CDHR1: variants seen among roughly 807,000 people sequenced by gnomAD.
CDHR1 encodes the protein cadherin-related family member 1.
A neutral mutation model predicts 72.1 loss-of-function variants in CDHR1; 61 were observed. That is an observed-to-expected ratio of 0.85 (90% confidence interval 0.69 to 1.05). The LOEUF (loss-of-function observed/expected upper bound fraction) is 1.05. CDHR1 is among the 50% of genes least tolerant of loss of function. CDHR1 has a pLI of 0.00. For missense variants in CDHR1, 1,186 were observed against 1,115.7 expected (o/e 1.06, Z -0.90); for synonymous variants, 470 against 448.1 (o/e 1.05, Z -0.62).
rs573103290 is a variant in CDHR1, at chr10:84,217,959, G to A, written c.*3338G>A. 3 of 985,484 alleles carry A rather than the reference G, an allele frequency of 3.0e-6. No individual in the cohort carries two copies. The South Asian group carries it at 1.4e-4, about 46-fold the overall frequency. 61.0% of individuals were successfully genotyped at this position (985,484 alleles called of 1,614,324 possible). ...GAATCCTGCTAGAAAAGTGTGATCA[G>A]AGCTGGGAAGGAGCCACCATGCTCT... On this transcript the variant is annotated 3_prime_UTR_variant, in exon 17 of 17. Transcript: ENST00000623527.
Position 84,208,232 on chromosome 10 carries a change from T to C in CDHR1, c.1022T>C (p.Ile341Thr). The change falls in exon 11 of 17, where the codon ATC (isoleucine) becomes ACC (threonine). Residue 341 changes from isoleucine to threonine, a missense_variant. Transcript: ENST00000623527. ...GCCCAGGCCACCGTCCCAGTCACCA[T>C]CAGGATTGTGGACCTCAACAACCAC... ...PAAQATVPVT[I>T]RIVDLNNHPP... 6.2e-7 allele frequency: 1 copy of C among 1,614,118 alleles called. No individual in the cohort carries two copies. Among genetic ancestry groups the C allele is most frequent in the Non-Finnish European group, 8.5e-7 (1 of 1,180,032 alleles).
At chr10:84,195,346 G>A in intron 1 of CDHR1, 148 bp from the exon 2 acceptor site, 1 of 767,360 alleles carries the variant, frequency 1.3e-6, no homozygotes, top group East Asian at 2.7e-5. Flanking sequence ...GCCCCAGTGG[G>A]GTCCCTCGGT....
In CDHR1 at chr10:84,217,230, A is replaced by T; in HGVS notation, c.*2609A>T. 1 of 985,484 alleles carries T rather than the reference A, an allele frequency of 1.0e-6. No homozygotes were observed. The highest frequency in any genetic ancestry group is 1.1e-4 in the East Asian group (1 of 8,806). The allele number at this position is 985,484 out of a possible 1,614,324, so 61.0% of individuals were successfully genotyped here. A position where few individuals can be genotyped will look rare whatever the true frequency, so the allele number is the denominator to read the frequency against. On this transcript the variant is annotated 3_prime_UTR_variant, in exon 17 of 17. Coordinates refer to ENST00000623527, the MANE Select transcript of CDHR1 (RefSeq NM_033100.4). ...TGCTAGGTCCCAGTAGGACAGGCAG[A>T]GCTCCAGGCTGGCACCATGGTAGGC... is the stretch of plus-strand genomic sequence containing the variant.
intron 2 of CDHR1, 56 bp downstream of exon 2, chr10:84,195,645 T>C: frequency 6.8e-7 from 1 of 1,479,158 alleles, no homozygotes; most frequent in Non-Finnish European, 9.4e-7. Flanking sequence ...GCAGGCAGAC[T>C]TAGAACACAA....
At position 84,208,278 on chromosome 10, in the gene CDHR1, G is replaced by A. The variant is rs144302622; in HGVS notation, c.1068G>A (p.Glu356=). 1.4e-5 allele frequency: 22 copies of A among 1,614,142 alleles called. No individual in the cohort carries two copies. The highest frequency in any genetic ancestry group is 2.2e-5 in the South Asian group (2 of 91,074). The stretch of plus-strand genomic sequence containing the variant: ...ACCACCCGCCAACATTCTATGGAGA[G>A]AGCGGACCCCAAAACAGGTTTGAGC... ...LNNHPPTFYG[E]SGPQNRFELS... The change falls in exon 11 of 17, where the codon GAG becomes GAA. Residue 356 remains glutamate (E), a synonymous_variant. Coordinates refer to ENST00000623527, the MANE Select transcript of CDHR1 (RefSeq NM_033100.4).
In CDHR1 at chr10:84,218,545, T is replaced by C; in HGVS notation, c.*3924T>C. 1.0e-6 allele frequency: 1 copy of C among 985,416 alleles called. No homozygotes were observed. Among genetic ancestry groups the C allele is most frequent in the Non-Finnish European group, 1.2e-6 (1 of 829,928 alleles). 61.0% of individuals were successfully genotyped at this position (985,416 alleles called of 1,614,324 possible). A position where few individuals can be genotyped will look rare whatever the true frequency, so the allele number is the denominator to read the frequency against. Reference sequence around the variant, plus strand: ...GAAAAGAAAAAGAACAACATTCCTCTCTTTAATTGCTAATCGCCTGGGCCT... The same window carrying C: ...GAAAAGAAAAAGAACAACATTCCTCCCTTTAATTGCTAATCGCCTGGGCCT... On this transcript the variant is annotated 3_prime_UTR_variant, in exon 17 of 17. Coordinates refer to ENST00000623527, the MANE Select transcript of CDHR1 (RefSeq NM_033100.4).
chr10:84,206,438 A>G (rs1363491544), intron 10 of CDHR1, among the ~76,000 whole-genome samples: 1 of 152,244 alleles, frequency 6.6e-6, no homozygotes, highest in Non-Finnish European at 1.5e-5. Context: ...GACTATACTT[A>G]GGAGGATCCC....
chr10:84,213,199 C>T lies in CDHR1; in HGVS notation c.1891C>T (p.Leu631Phe), dbSNP rs1249152305. ...DINSHTGEIW[L>F]KNSIRSLDAL... ...CAATTCCCACACGGGGGAGATCTGGCTCAAGAATTCCATCCGCTCCCTGGA... is the reference window on the plus strand; with the variant it reads ...CAATTCCCACACGGGGGAGATCTGGTTCAAGAATTCCATCCGCTCCCTGGA... The change falls in exon 16 of 17, where the codon CTC becomes TTC. Residue 631 changes from leucine (L) to phenylalanine (F), a missense_variant. Coordinates refer to ENST00000623527, the MANE Select transcript of CDHR1 (RefSeq NM_033100.4). 8.1e-6 allele frequency: 13 copies of T among 1,614,094 alleles called. No homozygotes were observed. The highest frequency in any genetic ancestry group is 1.1e-5 in the Non-Finnish European group (13 of 1,180,048).
In CDHR1 at chr10:84,203,032, C is replaced by T. The variant is rs779409419; in HGVS notation, c.692C>T (p.Thr231Met). ...GATGTGGTGTTCTCAGCCACCACCACGGTCACGGTCAATGTGGAGGATGTT... is the reference window on the plus strand; with the variant it reads ...GATGTGGTGTTCTCAGCCACCACCATGGTCACGGTCAATGTGGAGGATGTT... ...GADVVFSATTTVTVNVEDVQD... is the reference protein window; with the variant it reads ...GADVVFSATTMVTVNVEDVQD... Residue 231 changes from threonine (T) to methionine (M), a missense_variant, in exon 8 of 17, where the codon ACG (threonine) becomes ATG (methionine). Thr to Met is a moderately conservative substitution (Grantham distance 81). Coordinates refer to ENST00000623527, the MANE Select transcript of CDHR1 (RefSeq NM_033100.4). 19 of 1,614,222 alleles carry T rather than the reference C, an allele frequency of 1.2e-5. No homozygotes were observed. The highest frequency in any genetic ancestry group is 6.6e-5 in the South Asian group (6 of 91,090).
At chr10:84,205,641 C>T (rs942015112) in intron 9 of CDHR1, 186 bp from the exon 10 acceptor site, 124 of 652,428 alleles carry the variant, frequency 1.9e-4, no homozygotes, top group Admixed American at 1.1e-4. Flanking sequence ...CAGATCTGCA[C>T]TAACTGTGTA....
Position 84,204,541 on chromosome 10 carries a change from G to A in CDHR1, c.798G>A (p.Leu266=). ...YEDTLPGSEV[L]KVVAMDGDRG... is the part of the protein sequence containing the mutation. ...GTTTCCCCGAGGGCTCGGAGGTACT[G>A]AAGGTGGTCGCCATGGATGGAGACC... The change falls in exon 9 of 17, where the codon CTG becomes CTA. Residue 266 remains leucine, a synonymous_variant. Coordinates refer to ENST00000623527, the MANE Select transcript of CDHR1 (RefSeq NM_033100.4). 6.2e-7 allele frequency: 1 copy of A among 1,613,374 alleles called. No homozygotes were observed. Among genetic ancestry groups the A allele is most frequent in the Admixed American group, 1.7e-5 (1 of 60,020 alleles).
chr10:84,204,445 C>T, intron 8 of CDHR1, 82 bp from the exon 9 acceptor site: 1 of 1,011,700 alleles, frequency 9.9e-7, no homozygotes, highest in Non-Finnish European at 1.6e-6. Context: ...GTAGCACCTC[C>T]TTTTCATCAT....
At chr10:84,202,845 C>T in intron 7 of CDHR1, 135 bp from the exon 8 acceptor site, 4 of 939,096 alleles carry the variant, frequency 4.3e-6, no homozygotes, top group East Asian at 2.6e-5. Context: ...CCGGGTGACA[C>T]AGAAGCAAAC....
intron 1 of CDHR1, among the ~76,000 whole-genome samples, 168 bp from the exon 2 acceptor site, chr10:84,195,326 T>A (rs376542145): frequency 9.9e-5 from 15 of 152,242 alleles, no homozygotes; most frequent in African/African-American, 3.6e-4. Context: ...AGGGGCATCC[T>A]CTGGGCGGCG....
At chr10:84,206,279 T>C (rs1440054212) in intron 10 of CDHR1, among the ~76,000 whole-genome samples, 1 of 150,956 alleles carries the variant, frequency 6.6e-6, no homozygotes, top group East Asian at 2.0e-4. Flanking sequence ...CAACAAGGAG[T>C]CAGTTGAGGC....
At position 84,216,612 on chromosome 10, in the gene CDHR1, C is replaced by T; in HGVS notation, c.*1991C>T. On this transcript the variant is annotated 3_prime_UTR_variant, in exon 17 of 17. Coordinates refer to ENST00000623527, the MANE Select transcript of CDHR1 (RefSeq NM_033100.4). ...CTGACACACAGTGAAGCTCAACTTG[C>T]CTCCTGGCTGCTTCAGCAGGTGGAT... 1.0e-6 allele frequency: 1 copy of T among 985,508 alleles called. No individual in the cohort carries two copies. Among genetic ancestry groups the T allele is most frequent in the Non-Finnish European group, 1.2e-6 (1 of 829,956 alleles). 61.0% of individuals were successfully genotyped at this position (985,508 alleles called of 1,614,324 possible).
At position 84,212,427 on chromosome 10, in the gene CDHR1, G is replaced by A. The variant is rs1311860498; in HGVS notation, c.1782+20G>A. On this transcript the variant is annotated intron_variant, in intron 15 of 16. Transcript: ENST00000623527. ...ATTGAGGTAAGTTTTGGAGGCAGCT[G>A]AGCTCCCCTAAAAGCCTGGGTCCAG... The A allele has an allele frequency of 6.3e-7, 1 of 1,590,196 alleles. No homozygotes were observed. The highest frequency in any genetic ancestry group is 1.3e-5 in the African/African-American group (1 of 74,370).
rs144225118 is a variant in CDHR1 at position 84,214,092 on chromosome 10, G to C, written c.2051G>C (p.Arg684Pro). The change falls in exon 17 of 17, where the codon CGG (arginine) becomes CCG (proline). Residue 684 changes from arginine to proline, a missense_variant. By Grantham distance (103) the Arg-to-Pro change is moderately radical. Transcript: ENST00000623527. ...GGCTTTCTCTTTCAGACCCTCTCCC[G>C]GAGCCCCATGGCTGCCTTCCTGATA... ...IDITDAETLS[R>P]SPMAAFLIQT... is the part of the protein sequence containing the mutation. 2 of 1,614,132 alleles carry C rather than the reference G, an allele frequency of 1.2e-6. No individual in the cohort carries two copies. The highest frequency in any genetic ancestry group is 1.1e-5 in the South Asian group (1 of 91,074).
At chr10:84,202,872 C>T in intron 7 of CDHR1, 108 bp from the exon 8 acceptor site, 1 of 1,208,456 alleles carries the variant, frequency 8.3e-7, no homozygotes, top group South Asian at 1.3e-5. Flanking sequence ...TTGGAGAGGA[C>T]AGCTGGCCTC....
Sources: gnomAD v4.1 joint callset for allele counts (sites outside exome capture counted in the v4.1 genomes callset) on GRCh38, gnomAD v4.1.1 for gene constraint, MANE v1.5 for transcripts, NCBI Gene and HGNC (gene_info 2026-07-23, HGNC 2026-07-21) for gene names.